LINGO1: variants seen among roughly 807,000 people sequenced by gnomAD.
The protein encoded by LINGO1 is leucine-rich repeat and immunoglobulin-like domain-containing nogo receptor-interacting protein 1.
Under a neutral mutation model 37.3 loss-of-function variants are expected in LINGO1, and 11 were observed. That is an observed-to-expected ratio of 0.29 (90% confidence interval 0.19 to 0.49). LINGO1 has a LOEUF of 0.49. LINGO1 is among the 20% of genes least tolerant of loss of function. The probability of loss-of-function intolerance (pLI) is 0.99; values close to 1 mark genes in which losing one functional copy is unlikely to be tolerated. For missense variants in LINGO1, 585 were observed against 878.2 expected, an observed-to-expected ratio of 0.67 and a Z score of 4.22; for synonymous variants, 387 against 403.0, an observed-to-expected ratio of 0.96 and a Z score of 0.48.
intron 1 of LINGO1, among the ~76,000 whole-genome samples, chr15:77,630,626 T>A (rs922789907): frequency 1.3e-5 from 2 of 151,978 alleles, no homozygotes; most frequent in Admixed American, 6.5e-5. Flanking sequence ...CACATGCCCA[T>A]CCCCCTAAAA....
chr15:77,775,982 C>T (rs1182708763), intron 1 of LINGO1, among the ~76,000 whole-genome samples: 1 of 152,128 alleles, frequency 6.6e-6, no homozygotes, highest in Non-Finnish European at 1.5e-5. Flanking sequence ...GAGTTACAGC[C>T]CATCCATCCC....
intron 3 of LINGO1, among the ~76,000 whole-genome samples, chr15:77,674,525 C>T (rs565826373): frequency 4.8e-4 from 73 of 152,240 alleles, no homozygotes; most frequent in Middle Eastern, 3.4e-3. Context: ...CCCACTCTCT[C>T]CCTCACTCAC....
At chr15:77,656,188 A>C (rs144294187) in intron 3 of LINGO1, among the ~76,000 whole-genome samples, 1 of 152,268 alleles carries the variant, frequency 6.6e-6, no homozygotes, top group Middle Eastern at 3.4e-3. Context: ...GGTTTACCCA[A>C]GGCCTGGACA....
chr15:77,817,430 C>A (rs2077057622), intron 1 of LINGO1, among the ~76,000 whole-genome samples: 1 of 152,126 alleles, frequency 6.6e-6, no homozygotes, highest in Non-Finnish European at 1.5e-5. Context: ...AATGCCAGGA[C>A]CCAGCATAGA....
chr15:77,811,067 A>ACCCCCCCCC (rs1172599751), intron 1 of LINGO1, among the ~76,000 whole-genome samples: 1 of 90,890 alleles, frequency 1.1e-5, no homozygotes, highest in Non-Finnish European at 2.2e-5. Context: ...AGCCCCCAAC[A>ACCCCCCCCC]CCCCCCCACC....
intron 1 of LINGO1, among the ~76,000 whole-genome samples, chr15:77,695,290 AG>A (rs1293095791): frequency 6.6e-6 from 1 of 151,908 alleles, no homozygotes; most frequent in Non-Finnish European, 1.5e-5. Flanking sequence ...TGGGGTGGGC[AG>A]GGGGTGGCAG....
intron 1 of LINGO1, among the ~76,000 whole-genome samples, chr15:77,777,963 G>A (rs913722977): frequency 6.6e-6 from 1 of 151,712 alleles, no homozygotes; most frequent in East Asian, 1.9e-4. Flanking sequence ...AAGGAAGGGA[G>A]GGAGGGAGGG....
In LINGO1 at chr15:77,794,294, G is replaced by GTATA. The variant is rs150156901; in HGVS notation, c.-343+1641_-343+1644dup. On this transcript the variant is annotated intron_variant, in intron 2 of 5. Transcript: ENST00000562933. ...AACATATACATATATATATATGTAT[G>GTATA]TATATATATACATATATGTGTATAT... is the stretch of plus-strand genomic sequence containing the variant. Among the ~76,000 whole-genome samples the GTATA allele has an allele frequency of 1.1e-4, 8 of 74,494 alleles. 2 individuals are homozygous for GTATA. The highest frequency in any genetic ancestry group is 7.1e-4 in the Admixed American group (4 of 5,608). 48.9% of individuals were successfully genotyped at this position (74,494 alleles called of 152,430 possible).
intron 1 of LINGO1, among the ~76,000 whole-genome samples, chr15:77,807,139 CAAGGCGCA>C (rs2076966901): frequency 6.6e-6 from 1 of 152,242 alleles, no homozygotes; most frequent in African/African-American, 2.4e-5. Flanking sequence ...ACCCCTTCTT[CAAGGCGCA>C]GTCCAAATGC....
intron 2 of LINGO1, among the ~76,000 whole-genome samples, chr15:77,707,878 C>A (rs2075871435): frequency 6.6e-6 from 1 of 152,066 alleles, no homozygotes; most frequent in African/African-American, 2.4e-5. Flanking sequence ...CCTTCTAGGG[C>A]CACCAACAGA....
chr15:77,776,553 G>GAAACCA (rs1170198503), intron 1 of LINGO1, among the ~76,000 whole-genome samples: 1 of 150,168 alleles, frequency 6.7e-6, no homozygotes, highest in Non-Finnish European at 1.5e-5. Context: ...AGGGAGGGAG[G>GAAACCA]GAGGGAGCTG....
chr15:77,616,308 G>T (rs1351638815), intron 1 of LINGO1, among the ~76,000 whole-genome samples: 1 of 152,120 alleles, frequency 6.6e-6, no homozygotes, highest in African/African-American at 2.4e-5. Context: ...CTCACAGTGG[G>T]GATCAAAGGG....
At chr15:77,804,497 G>A (rs1307484890) in intron 1 of LINGO1, among the ~76,000 whole-genome samples, 1 of 152,216 alleles carries the variant, frequency 6.6e-6, no homozygotes, top group Non-Finnish European at 1.5e-5. Flanking sequence ...CGAGAGCACA[G>A]GCTGGATAGG....
upstream of LINGO1, among the ~76,000 whole-genome samples, chr15:77,698,482 A>G (rs1266256680): frequency 6.6e-6 from 1 of 152,076 alleles, no homozygotes; most frequent in Non-Finnish European, 1.5e-5. Context: ...TGGTTTGGGA[A>G]CCCCGATGCC....
intron 1 of LINGO1, among the ~76,000 whole-genome samples, chr15:77,695,621 T>C (rs973219122): frequency 6.6e-6 from 1 of 152,206 alleles, no homozygotes; most frequent in African/African-American, 2.4e-5. Context: ...GGGCCAGCTC[T>C]GGGGCAGGGA....
chr15:77,684,159 C>T (rs2075463650), intron 2 of LINGO1, among the ~76,000 whole-genome samples: 1 of 152,204 alleles, frequency 6.6e-6, no homozygotes, highest in Non-Finnish European at 1.5e-5. Flanking sequence ...CACACTCTGC[C>T]TTGGTGGGCC....
chr15:77,797,355 G>A (rs956699646), intron 1 of LINGO1, among the ~76,000 whole-genome samples: 9 of 152,304 alleles, frequency 5.9e-5, no homozygotes, highest in African/African-American at 1.9e-4. Flanking sequence ...AGGGGATTTC[G>A]TGGTGTGCAG....
At chr15:77,714,051 AGCT>A (rs1477843164) in intron 2 of LINGO1, among the ~76,000 whole-genome samples, 1 of 152,066 alleles carries the variant, frequency 6.6e-6, no homozygotes, top group African/African-American at 2.4e-5. Flanking sequence ...CTCTCCCCTG[AGCT>A]CCAGGCTTGT....
At chr15:77,752,427 G>A (rs2076380960) in intron 1 of LINGO1, among the ~76,000 whole-genome samples, 1 of 152,192 alleles carries the variant, frequency 6.6e-6, no homozygotes, top group African/African-American at 2.4e-5. Flanking sequence ...AACCCACTCA[G>A]GCAGCTGGCA....
Sources: gnomAD v4.1 joint callset for allele counts (sites outside exome capture counted in the v4.1 genomes callset) on GRCh38, gnomAD v4.1.1 for gene constraint, MANE v1.5 for transcripts, NCBI Gene and HGNC (gene_info 2026-07-23, HGNC 2026-07-21) for gene names.